Variants in PCDHGB1 observed in about 807,000 individuals in gnomAD.
PCDHGB1 encodes the protein protocadherin gamma subfamily B, 1.
In PCDHGB1, 34 loss-of-function variants were observed where a neutral mutation model predicts 56.6. The observed-to-expected ratio is 0.60, with a 90% confidence interval of 0.46 to 0.80. The LOEUF (loss-of-function observed/expected upper bound fraction) is 0.80. PCDHGB1 is among the 30% of genes least tolerant of loss of function. PCDHGB1 has a pLI of 0.00. For missense variants in PCDHGB1, 1,278 were observed against 1,204.6 expected, an observed-to-expected ratio of 1.06 and a Z score of -0.90; for synonymous variants, 561 against 505.9, an observed-to-expected ratio of 1.11 and a Z score of -1.46.
intron 1 of PCDHGB1, chr5:141,427,983 C>T (rs1390934748): frequency 1.3e-6 from 2 of 1,596,840 alleles, no homozygotes; most frequent in Admixed American, 1.7e-5. Flanking sequence ...CGCGCTGGGG[C>T]CCGATGGCTC....
intron 1 of PCDHGB1, among the ~76,000 whole-genome samples, chr5:141,445,787 T>C (rs2098477657): frequency 1.3e-5 from 2 of 152,182 alleles, no homozygotes; most frequent in South Asian, 4.1e-4. Context: ...CTAGGGAGGC[T>C]AGAAACAGAA....
At chr5:141,433,401 A>ATCTATCTATCTC (rs1444244130) in intron 1 of PCDHGB1, among the ~76,000 whole-genome samples, 15 of 150,598 alleles carry the variant, frequency 1.0e-4, no homozygotes, top group African/African-American at 3.4e-4. Flanking sequence ...CTATCTATCT[A>ATCTATCTATCTC]TCTATTACTT....
intron 1 of PCDHGB1, among the ~76,000 whole-genome samples, chr5:141,484,122 T>C (rs1343894991): frequency 6.6e-6 from 1 of 152,180 alleles, no homozygotes; most frequent in African/African-American, 2.4e-5. Context: ...CAAGAATACC[T>C]TGGTGTCAGA....
chr5:141,448,496 G>A (rs1277705943), intron 1 of PCDHGB1, among the ~76,000 whole-genome samples: 1 of 152,024 alleles, frequency 6.6e-6, no homozygotes, highest in Non-Finnish European at 1.5e-5. Flanking sequence ...GTCCCCTGTA[G>A]GTAAACATTT....
rs778244253 is a variant in PCDHGB1 at position 141,376,253 on chromosome 5, C to G, written c.2409+23584C>G. 3 of 1,614,104 alleles carry G rather than the reference C, an allele frequency of 1.9e-6. No individual in the cohort carries two copies. The African/African-American group carries it at 4.0e-5, about 22-fold the overall frequency. ...ACTGCAGCGCTGGCACAAGTCACGC[C>G]TGCTGCAGGCTTCGGGAGGTGGCTT... On this transcript the variant is annotated intron_variant, in intron 1 of 3. Transcript: ENST00000523390.
intron 1 of PCDHGB1, chr5:141,365,455 T>G: frequency 1.2e-6 from 2 of 1,614,042 alleles, no homozygotes; most frequent in Non-Finnish European, 1.7e-6. Context: ...ATGATGGTGA[T>G]TCTGGAGAAA....
intron 1 of PCDHGB1, among the ~76,000 whole-genome samples, chr5:141,468,890 G>A (rs2099184679): frequency 6.6e-6 from 1 of 151,592 alleles, no homozygotes; most frequent in African/African-American, 2.4e-5. Flanking sequence ...TAATAATAAG[G>A]TACTAATATG....
chr5:141,453,791 A>G (rs979646024), intron 1 of PCDHGB1, among the ~76,000 whole-genome samples: 2 of 152,268 alleles, frequency 1.3e-5, no homozygotes, highest in African/African-American at 2.4e-5. Context: ...ATGGTATATT[A>G]ACTTTGAGTA....
chr5:141,366,657 C>T, intron 1 of PCDHGB1: 1 of 1,614,248 alleles, frequency 6.2e-7, no homozygotes. Flanking sequence ...CCCAACTACG[C>T]AGACACGCTC....
chr5:141,466,669 C>T lies in PCDHGB1; in HGVS notation c.2410-28138C>T, dbSNP rs529252130. The stretch of plus-strand genomic sequence containing the variant: ...TTTCACAAAACATCAGTGATTTCAC[C>T]GTTCTTCCACTCAAGCTTCATCATA... On this transcript the variant is annotated intron_variant, in intron 1 of 3. Transcript: ENST00000523390. Among the ~76,000 whole-genome samples the T allele has an allele frequency of 8.5e-5, 13 of 152,278 alleles. No homozygotes were observed. The East Asian group carries it at 9.6e-4, about 11-fold the overall frequency.
At chr5:141,510,860 G>A (rs1274817106) in intron 3 of PCDHGB1, 87 bp from the exon 4 acceptor site, 11 of 1,606,558 alleles carry the variant, frequency 6.8e-6, no homozygotes, top group South Asian at 4.4e-5. Context: ...GTGCTGTATA[G>A]GCATTCATTA....
chr5:141,437,058 T>C (rs539776847), intron 1 of PCDHGB1, among the ~76,000 whole-genome samples: 2 of 152,246 alleles, frequency 1.3e-5, no homozygotes, highest in Non-Finnish European at 2.9e-5. Context: ...CTGGTGATCA[T>C]TATTTGGTTT....
chr5:141,390,867 C>CGTGTGTGT (rs61319619), intron 1 of PCDHGB1: 11 of 151,144 alleles, frequency 7.3e-5, no homozygotes, highest in African/African-American at 2.7e-4. Flanking sequence ...GCTGTGTGTG[C>CGTGTGTGT]GTGTGTGTGT....
intron 1 of PCDHGB1, chr5:141,366,483 G>T (rs1194485862): frequency 1.4e-5 from 23 of 1,614,118 alleles, no homozygotes; most frequent in Non-Finnish European, 1.8e-5. Flanking sequence ...AGACTGAGGC[G>T]CTGGCACAAG....
chr5:141,432,395 G>C lies in PCDHGB1; in HGVS notation c.2410-62412G>C, dbSNP rs748660079. The C allele has an allele frequency of 1.2e-6, 2 of 1,614,242 alleles. No homozygotes were observed. The highest frequency in any genetic ancestry group is 4.5e-5 in the East Asian group (2 of 44,882). On this transcript the variant is annotated intron_variant, in intron 1 of 3. Coordinates refer to ENST00000523390, the MANE Select transcript of PCDHGB1 (RefSeq NM_018922.3). The surrounding 1 kb of genome is among the most constrained non-coding windows in gnomAD (Gnocchi z 6.0). The stretch of plus-strand genomic sequence containing the variant: ...CGGGCACCCGCCCCTCAGCAGCAAC[G>C]TGTCGTTGAGCCTGTTCGTGCTGGA...
chr5:141,351,708 T>A lies in PCDHGB1; in HGVS notation c.1448T>A (p.Val483Asp), dbSNP rs758388359. The change falls in exon 1 of 4, where the codon GTC (valine) becomes GAC (aspartate). Residue 483 changes from valine (V) to aspartate (D), a missense_variant. Physicochemically the swap from Val to Asp is radical, Grantham distance 152. Coordinates refer to ENST00000523390, the MANE Select transcript of PCDHGB1 (RefSeq NM_018922.3). Reference sequence around the variant, plus strand: ...CCGGATTTGGGACCCAACGGCAGAGTCTCCTACTCTATTCTGGCCAGTGAC... The same window carrying A: ...CCGGATTTGGGACCCAACGGCAGAGACTCCTACTCTATTCTGGCCAGTGAC... ...SDPDLGPNGR[V>D]SYSILASDLE... The A allele has an allele frequency of 6.2e-7, 1 of 1,613,718 alleles. No homozygotes were observed. The highest frequency in any genetic ancestry group is 8.5e-7 in the Non-Finnish European group (1 of 1,179,850).
At chr5:141,357,491 G>A in intron 1 of PCDHGB1, 1 of 1,614,224 alleles carries the variant, frequency 6.2e-7, no homozygotes, top group African/African-American at 1.3e-5. Context: ...GCGGACTCGC[G>A]GAAGAGTCAC....
intron 1 of PCDHGB1, chr5:141,414,452 T>C (rs767824112): frequency 6.2e-7 from 1 of 1,613,886 alleles, no homozygotes. Flanking sequence ...AATATCACAG[T>C]GACAGCCACA....
chr5:141,456,783 C>G (rs1400541298), intron 1 of PCDHGB1, among the ~76,000 whole-genome samples: 3 of 151,802 alleles, frequency 2.0e-5, no homozygotes, highest in African/African-American at 4.8e-5. Flanking sequence ...GCCTACATGG[C>G]AAAACCCCAT....
Sources: gnomAD v4.1 joint callset for allele counts (sites outside exome capture counted in the v4.1 genomes callset) on GRCh38, gnomAD v4.1.1 for gene constraint, Gnocchi (gnomAD v3.1) non-coding constraint, MANE v1.5 for transcripts, NCBI Gene and HGNC (gene_info 2026-07-23, HGNC 2026-07-21) for gene names.